Variants in FLNB observed in about 807,000 individuals in gnomAD.
FLNB encodes the protein filamin B.
Under a neutral mutation model 250.6 loss-of-function variants are expected in FLNB, and 111 were observed. That is an observed-to-expected ratio of 0.44 (90% confidence interval 0.38 to 0.52). The LOEUF is 0.52. Ranked by LOEUF, FLNB falls within the 20% of genes least tolerant of loss-of-function variation. The pLI, the probability that FLNB is intolerant of heterozygous loss-of-function variation, is 0.00. For synonymous variants in FLNB, 1,302 were observed against 1,372.1 expected (o/e 0.95, Z 1.13); for missense variants, 2,869 against 3,447.8 (o/e 0.83, Z 4.20).
At position 58,098,869 on chromosome 3, in the gene FLNB, A is replaced by T; in HGVS notation, c.1306A>T (p.Thr436Ser). The T allele has an allele frequency of 6.2e-7, 1 of 1,614,046 alleles. No homozygotes were observed. Among genetic ancestry groups the T allele is most frequent in the Non-Finnish European group, 8.5e-7 (1 of 1,179,960 alleles). ...GGTCAAGATCTTCTTTGCTGGGGAC[A>T]CTATTCCTAAGAGTCCCTTCGTTGT... Reference protein sequence around the residue: ...HVVKIFFAGDTIPKSPFVVQV... With the variant: ...HVVKIFFAGDSIPKSPFVVQV... The change falls in exon 8 of 46, where the codon ACT becomes TCT. Residue 436 changes from threonine to serine, a missense_variant. Transcript: ENST00000295956.
At chr3:58,114,093 GTTTTGCTTCTCTCT>G (rs2097273738) in intron 18 of FLNB, among the ~76,000 whole-genome samples, 1 of 152,032 alleles carries the variant, frequency 6.6e-6, no homozygotes, top group African/African-American at 2.4e-5. Flanking sequence ...ATGTATATAT[GTTTTGCTTCTCTCT>G]TCGTCTGTTT....
In FLNB at chr3:58,142,675, T is replaced by G. The variant is rs754709630; in HGVS notation, c.5207T>G (p.Val1736Gly). Residue 1736 changes from valine (V) to glycine (G), a missense_variant, in exon 31 of 46, where the codon GTG becomes GGG. Transcript: ENST00000295956. The surrounding 1 kb of genome is among the most constrained non-coding windows in gnomAD (Gnocchi z 4.3). ...PWVTEEAYVPVSDMNGLGFKP... is the reference protein window; with the variant it reads ...PWVTEEAYVPGSDMNGLGFKP... ...GTGACCGAAGAGGCCTATGTCCCAG[T>G]GAGTGACATGAACGGCCTGGGATTT... 9 of 1,614,192 alleles carry G rather than the reference T, an allele frequency of 5.6e-6. No homozygotes were observed. The Admixed American group carries it at 1.5e-4, about 27-fold the overall frequency.
intron 1 of FLNB, among the ~76,000 whole-genome samples, chr3:58,024,325 C>G (rs1015730836): frequency 6.6e-6 from 1 of 152,132 alleles, no homozygotes; most frequent in Non-Finnish European, 1.5e-5. Flanking sequence ...CTGGCGTTAT[C>G]GAAGATAAAA....
chr3:58,138,623 T>C (rs568371496), intron 29 of FLNB, 94 bp downstream of exon 29: 99 of 1,478,216 alleles, frequency 6.7e-5, no homozygotes, highest in Middle Eastern at 1.9e-4. Context: ...CCTCTTCACC[T>C]TTTTTTTCCT....
At chr3:58,035,334 A>T (rs2097136572) in intron 1 of FLNB, among the ~76,000 whole-genome samples, 1 of 152,232 alleles carries the variant, frequency 6.6e-6, no homozygotes, top group Non-Finnish European at 1.5e-5. Flanking sequence ...GCTGTTACTT[A>T]GACTTGGATA....
chr3:58,116,357 G>A (rs535884327), intron 18 of FLNB, among the ~76,000 whole-genome samples: 1 of 152,278 alleles, frequency 6.6e-6, no homozygotes, highest in East Asian at 1.9e-4. Context: ...CCCCAGAAAG[G>A]TGGCTGCTTG....
intron 1 of FLNB, among the ~76,000 whole-genome samples, chr3:58,069,232 CTTTT>C (rs59689498): frequency 1.2e-5 from 1 of 86,366 alleles, no homozygotes; most frequent in Non-Finnish European, 2.2e-5. Flanking sequence ...TAGTTCAATT[CTTTT>C]TTTTTTTTTT....
chr3:58,133,879 G>A (rs375110188), intron 26 of FLNB, among the ~76,000 whole-genome samples: 20 of 152,096 alleles, frequency 1.3e-4, no homozygotes, highest in African/African-American at 4.8e-4. Flanking sequence ...ACCATATGAA[G>A]CATACTATAG....
chr3:58,161,169 C>T (rs922398869), intron 42 of FLNB, among the ~76,000 whole-genome samples: 2 of 152,090 alleles, frequency 1.3e-5, no homozygotes, highest in Non-Finnish European at 2.9e-5. Flanking sequence ...GAAGCAGTGG[C>T]ACTGGAAATG....
chr3:58,083,671 T>C (rs893441037), intron 4 of FLNB, among the ~76,000 whole-genome samples: 2 of 152,190 alleles, frequency 1.3e-5, no homozygotes, highest in African/African-American at 2.4e-5. Flanking sequence ...GCAGTGATGC[T>C]GACCACGTGC....
intron 1 of FLNB, among the ~76,000 whole-genome samples, chr3:58,063,361 G>C (rs1297671586): frequency 6.6e-6 from 1 of 152,194 alleles, no homozygotes; most frequent in South Asian, 2.1e-4. Context: ...TGGGCTGAGA[G>C]AGTTTGCAGA....
intron 32 of FLNB, among the ~76,000 whole-genome samples, chr3:58,143,984 A>G (rs970213462): frequency 3.3e-5 from 5 of 152,032 alleles, no homozygotes; most frequent in African/African-American, 9.7e-5. Context: ...CAGAGGTGGA[A>G]GAAGAGGACC....
chr3:58,153,302 C>G, intron 38 of FLNB, 73 bp from the exon 39 acceptor site: 2 of 1,570,396 alleles, frequency 1.3e-6, no homozygotes, highest in Non-Finnish European at 1.8e-6. Flanking sequence ...GGCTGCTTGC[C>G]CTGCATGTCC....
intron 4 of FLNB, among the ~76,000 whole-genome samples, chr3:58,089,214 A>G (rs1371213206): frequency 2.6e-5 from 4 of 152,162 alleles, no homozygotes; most frequent in Non-Finnish European, 4.4e-5. Flanking sequence ...TTAGAATCCT[A>G]TGACAAAAAT....
In FLNB at chr3:58,008,522, T is replaced by A; in HGVS notation, c.-43T>A. 6.4e-7 allele frequency: 1 copy of A among 1,554,590 alleles called. No homozygotes were observed. Among genetic ancestry groups the A allele is most frequent in the Non-Finnish European group, 8.7e-7 (1 of 1,149,750 alleles). ...CGGCCCTTGGGCCTCCAAACACCAG[T>A]CCCCGGCAGCTCGTTGCGCATTGCG... On this transcript the variant is annotated 5_prime_UTR_variant, in exon 1 of 46. Coordinates refer to ENST00000295956, the MANE Select transcript of FLNB (RefSeq NM_001457.4).
intron 42 of FLNB, chr3:58,162,873 G>A: frequency 2.3e-6 from 1 of 434,490 alleles, no homozygotes; most frequent in Non-Finnish European, 4.3e-6. Flanking sequence ...CACTGAAGAA[G>A]TGAGGTTTTC....
chr3:58,109,737 C>T (rs540334125), intron 15 of FLNB, 38 bp downstream of exon 15: 2 of 1,613,634 alleles, frequency 1.2e-6, no homozygotes, highest in South Asian at 1.1e-5. Context: ...GATCATTGCT[C>T]CGTGGGGAAG....
intron 12 of FLNB, among the ~76,000 whole-genome samples, chr3:58,107,170 C>T (rs2097261065): frequency 6.6e-6 from 1 of 152,182 alleles, no homozygotes; most frequent in Admixed American, 6.5e-5. Context: ...GCTGGAACTA[C>T]AGGCATGTGC....
chr3:58,055,734 C>T (rs1171562427), intron 1 of FLNB, among the ~76,000 whole-genome samples: 1 of 152,080 alleles, frequency 6.6e-6, no homozygotes, highest in Non-Finnish European at 1.5e-5. Flanking sequence ...GTCTTGGACC[C>T]CTTGGGCTCT....
Sources: allele counts gnomAD v4.1 joint callset (sites outside exome capture counted in the v4.1 genomes callset), GRCh38; gene constraint gnomAD v4.1.1; non-coding constraint Gnocchi (gnomAD v3.1); transcripts MANE v1.5; gene names NCBI Gene and HGNC (gene_info 2026-07-23, HGNC 2026-07-21).